Variants in LHFPL3 observed in about 807,000 individuals in gnomAD.
LHFPL3 encodes the protein LHFPL tetraspan subfamily member 3.
Under a neutral mutation model 19.3 loss-of-function variants are expected in LHFPL3, and 5 were observed. The ratio of observed to expected loss-of-function variants is 0.26; its 90% CI spans 0.14 to 0.54. LHFPL3 has a LOEUF of 0.54. Among genes scored for constraint, LHFPL3 ranks in the 20% least tolerant of loss-of-function variants. LHFPL3 has a pLI of 0.94. For synonymous variants in LHFPL3, 133 were observed against 126.2 expected (o/e 1.05, Z -0.36); for missense variants, 249 against 307.4 (o/e 0.81, Z 1.42).
intron 2 of LHFPL3, among the ~76,000 whole-genome samples, chr7:104,860,702 TCTC>T (rs1791601460): frequency 6.6e-6 from 1 of 152,226 alleles, no homozygotes; most frequent in Non-Finnish European, 1.5e-5. Flanking sequence ...GTGTATTTCA[TCTC>T]CTAGAATGTA....
At chr7:104,779,945 G>A (rs1194891016) in intron 2 of LHFPL3, among the ~76,000 whole-genome samples, 3 of 152,060 alleles carry the variant, frequency 2.0e-5, no homozygotes, top group African/African-American at 7.3e-5. Flanking sequence ...TAATCTATGT[G>A]ATGGCTTGTA....
At chr7:104,657,317 T>TA (rs1377459865) in intron 1 of LHFPL3, among the ~76,000 whole-genome samples, 1 of 152,258 alleles carries the variant, frequency 6.6e-6, no homozygotes, top group Non-Finnish European at 1.5e-5. Context: ...CAAGGCAGGT[T>TA]AAGCCTGCTT....
chr7:104,810,515 A>G (rs1320078057), intron 2 of LHFPL3, among the ~76,000 whole-genome samples: 1 of 152,178 alleles, frequency 6.6e-6, no homozygotes. Context: ...TTTGAGCCAC[A>G]GGGAGAATGA....
At chr7:104,559,870 A>C (rs1584401390) in intron 1 of LHFPL3, among the ~76,000 whole-genome samples, 1 of 143,026 alleles carries the variant, frequency 7.0e-6, no homozygotes, top group South Asian at 2.1e-4. Context: ...TACCTAATTT[A>C]TTGAGAGTTT....
intron 2 of LHFPL3, among the ~76,000 whole-genome samples, chr7:104,890,794 G>C (rs1792229618): frequency 1.3e-5 from 2 of 152,196 alleles, no homozygotes; most frequent in Non-Finnish European, 2.9e-5. Flanking sequence ...AATGGAGACT[G>C]ATGTGGCTCC....
rs566879738 is a variant in LHFPL3, at chr7:104,484,627, A to G, written c.445+155403A>G. On this transcript the variant is annotated intron_variant, in intron 1 of 2. Transcript: ENST00000424859. ...TCTTGGTCCATTTTGTGCTGCTATA[A>G]CAGAATACCTGAGACTGGGTAATTT... Among the ~76,000 whole-genome samples the G allele has an allele frequency of 6.6e-5, 10 of 152,330 alleles. No individual in the cohort carries two copies. The South Asian group carries it at 2.1e-3, about 32-fold the overall frequency.
At chr7:104,725,825 G>T (rs1465004802) in intron 1 of LHFPL3, among the ~76,000 whole-genome samples, 1 of 152,068 alleles carries the variant, frequency 6.6e-6, no homozygotes, top group East Asian at 1.9e-4. Flanking sequence ...GCCAAAAATG[G>T]CGGATCACGA....
intron 2 of LHFPL3, among the ~76,000 whole-genome samples, chr7:104,854,988 C>G (rs888790446): frequency 6.6e-6 from 1 of 152,100 alleles, no homozygotes; most frequent in African/African-American, 2.4e-5. Context: ...TCAGTAAGCT[C>G]TTTAGTCTGG....
At chr7:104,468,658 C>T (rs1248534287) in intron 1 of LHFPL3, among the ~76,000 whole-genome samples, 2 of 137,300 alleles carry the variant, frequency 1.5e-5, no homozygotes, top group African/African-American at 2.7e-5. Context: ...TTGTATAAAC[C>T]TTTTTTTTTT....
chr7:104,737,552 T>C (rs1043010636), intron 2 of LHFPL3, among the ~76,000 whole-genome samples: 1 of 152,198 alleles, frequency 6.6e-6, no homozygotes, highest in Non-Finnish European at 1.5e-5. Context: ...AAATAGAACA[T>C]TGACTATTGA....
chr7:104,668,443 G>T, intron 1 of LHFPL3: 1 of 1,609,026 alleles, frequency 6.2e-7, no homozygotes, highest in Non-Finnish European at 8.5e-7. Flanking sequence ...GATTCAGACC[G>T]GTATCGGGAT....
At chr7:104,672,104 ATG>A (rs939973045) in intron 1 of LHFPL3, among the ~76,000 whole-genome samples, 1 of 149,096 alleles carries the variant, frequency 6.7e-6, no homozygotes, top group Non-Finnish European at 1.5e-5. Context: ...ATGGTTGCTT[ATG>A]TAAATTTTCT....
intron 1 of LHFPL3, among the ~76,000 whole-genome samples, chr7:104,635,123 T>C (rs1486766930): frequency 3.3e-5 from 5 of 152,024 alleles, no homozygotes; most frequent in Non-Finnish European, 1.5e-5. Context: ...TTCTTTTCAA[T>C]AGAAGGATCT....
At chr7:104,735,486 A>C (rs895423670) in intron 1 of LHFPL3, among the ~76,000 whole-genome samples, 7 of 152,244 alleles carry the variant, frequency 4.6e-5, no homozygotes, top group African/African-American at 1.7e-4. Flanking sequence ...AGCAATGAGC[A>C]AGGCTCCGTG....
At chr7:104,760,597 T>G (rs1794355330) in intron 2 of LHFPL3, among the ~76,000 whole-genome samples, 1 of 148,706 alleles carries the variant, frequency 6.7e-6, no homozygotes, top group African/African-American at 2.4e-5. Flanking sequence ...GGCTACATCA[T>G]CAAATATTTT....
chr7:104,517,623 C>T (rs752615666), intron 1 of LHFPL3, among the ~76,000 whole-genome samples: 3 of 151,416 alleles, frequency 2.0e-5, no homozygotes. Flanking sequence ...CTTCCTGCCT[C>T]AGCCTCCTGA....
intron 1 of LHFPL3, among the ~76,000 whole-genome samples, chr7:104,426,821 T>C (rs768061605): frequency 2.8e-4 from 42 of 152,186 alleles, no homozygotes; most frequent in Non-Finnish European, 5.6e-4. Context: ...TGTCTTAGGA[T>C]TTAATTTCTA....
chr7:104,619,818 G>A (rs897875445), intron 1 of LHFPL3, among the ~76,000 whole-genome samples: 4 of 152,030 alleles, frequency 2.6e-5, no homozygotes, highest in Non-Finnish European at 5.9e-5. Flanking sequence ...GACTGGTTTC[G>A]TGGAAGACAA....
At chr7:104,744,197 T>C (rs1793997318) in intron 2 of LHFPL3, 1 of 152,096 alleles carries the variant, frequency 6.6e-6, no homozygotes, top group Admixed American at 6.5e-5. Flanking sequence ...AAGTAAAGAG[T>C]TTGGTCTTAT....
Sources: gnomAD v4.1 joint callset for allele counts (sites outside exome capture counted in the v4.1 genomes callset) on GRCh38, gnomAD v4.1.1 for gene constraint, MANE v1.5 for transcripts, NCBI Gene and HGNC (gene_info 2026-07-23, HGNC 2026-07-21) for gene names.